Variants in KCNMA1 observed in about 807,000 individuals in gnomAD.
The protein encoded by KCNMA1 is potassium calcium-activated channel subfamily M alpha 1, also known as Calcium-activated potassium channel subunit alpha-1.
In KCNMA1, 29 loss-of-function variants were observed where a neutral mutation model predicts 140.0. The observed-to-expected ratio is 0.21, with a 90% CI of 0.15 to 0.28. The LOEUF is 0.28. Ranked by LOEUF, KCNMA1 falls within the 10% of genes least tolerant of loss-of-function variation. KCNMA1 has a pLI of 1.00. For missense variants in KCNMA1, 880 were observed against 1,602.2 expected, an observed-to-expected ratio of 0.55 and a Z score of 7.70; for synonymous variants, 612 against 611.9, an observed-to-expected ratio of 1.00 and a Z score of 0.00.
intron 29 of KCNMA1, chr10:76,877,952 G>C (rs2032752797): frequency 3.3e-6 from 5 of 1,519,512 alleles, no homozygotes; most frequent in Non-Finnish European, 4.5e-6. Flanking sequence ...ATTAGTCCTA[G>C]GGTAAAGCCT....
chr10:76,960,656 A>AGGTTTATTT (rs1408505459), intron 20 of KCNMA1, among the ~76,000 whole-genome samples: 5 of 95,084 alleles, frequency 5.3e-5, no homozygotes, highest in African/African-American at 1.6e-4. Context: ...TACAAATTGA[A>AGGTTTATTT]GGTTTATTTT....
intron 6 of KCNMA1, among the ~76,000 whole-genome samples, chr10:77,118,678 CCTT>C (rs773013007): frequency 5.9e-5 from 9 of 152,130 alleles, no homozygotes; most frequent in Non-Finnish European, 1.2e-4. Context: ...CTAAAAGTAA[CCTT>C]CTCCTCGAAA....
In KCNMA1 at chr10:77,368,384, G is replaced by A. The variant is rs1201678203; in HGVS notation, c.540+35478C>T. ...AAGTCTTTTGCCCATTTTCCAGTTG[G>A]GTAGCTTGTTCTCTTCCTGTTGAAT... On this transcript the variant is annotated intron_variant, in intron 2 of 27. Transcript: ENST00000286628. Among the ~76,000 whole-genome samples the A allele has an allele frequency of 5.3e-5, 8 of 151,980 alleles. No individual in the cohort carries two copies. The South Asian group carries it at 1.0e-3, about 20-fold the overall frequency.
rs757053731 is a variant in KCNMA1, at chr10:76,887,484, C to G, written c.3493G>C (p.Glu1165Gln). The G allele has an allele frequency of 1.9e-6, 3 of 1,614,108 alleles. No homozygotes were observed. The Admixed American group carries it at 5.0e-5, about 27-fold the overall frequency. ...AAGATCAGGTCCGTCGGCACGAGCT[C>G]AAACTCATAGGGCGGGTTGGTGATG... Reference protein sequence around the residue: ...YVITNPPYEFELVPTDLIFCL... With the variant: ...YVITNPPYEFQLVPTDLIFCL... The change falls in exon 28 of 28, where the codon GAG becomes CAG. Residue 1165 changes from glutamate (E) to glutamine (Q), a missense_variant. By Grantham distance (29) the Glu-to-Gln change is conservative. Coordinates refer to ENST00000286628, the MANE Select transcript of KCNMA1 (RefSeq NM_001161352.2).
intron 2 of KCNMA1, among the ~76,000 whole-genome samples, chr10:77,365,081 G>A (rs1287936305): frequency 2.0e-5 from 3 of 152,124 alleles, no homozygotes; most frequent in Non-Finnish European, 1.5e-5. Flanking sequence ...CAGCAAGAAG[G>A]GCACAGCTGG....
In KCNMA1 at chr10:77,425,311, C is replaced by T. The variant is rs535147433; in HGVS notation, c.379-21288G>A. Reference sequence around the variant, plus strand: ...TTGGGGGAAGTTTTACACAACCACCCCAGTTTCCCTAAATGCCCCCTCCCT... The same window carrying T: ...TTGGGGGAAGTTTTACACAACCACCTCAGTTTCCCTAAATGCCCCCTCCCT... On this transcript the variant is annotated intron_variant, in intron 1 of 27. Coordinates refer to ENST00000286628, the MANE Select transcript of KCNMA1 (RefSeq NM_001161352.2). Among the ~76,000 whole-genome samples, 456 of 152,310 alleles carry T rather than the reference C, an allele frequency of 3.0e-3. 1 individual carries two copies. Among genetic ancestry groups the T allele is most frequent in the Admixed American group, 7.4e-3 (113 of 15,308 alleles).
At chr10:77,260,942 C>A (rs1490832740) in intron 2 of KCNMA1, among the ~76,000 whole-genome samples, 1 of 152,122 alleles carries the variant, frequency 6.6e-6, no homozygotes, top group East Asian at 1.9e-4. Context: ...GAAATGCCAA[C>A]GTTCCAATAA....
intron 1 of KCNMA1, among the ~76,000 whole-genome samples, chr10:77,450,291 G>T (rs1417405616): frequency 2.7e-5 from 4 of 148,624 alleles, no homozygotes; most frequent in Non-Finnish European, 6.0e-5. Context: ...CCTGCCCTGA[G>T]GTGATCCACC....
Position 77,073,600 on chromosome 10 carries a change from A to G in KCNMA1, c.1594-348T>C, listed in dbSNP as rs151168833. ...GTTGAGTCCTCTAATAGACCGTAGGAGTGCCAAATGCCTGTATATTTTCAG... is the reference window on the plus strand; with the variant it reads ...GTTGAGTCCTCTAATAGACCGTAGGGGTGCCAAATGCCTGTATATTTTCAG... On this transcript the variant is annotated intron_variant, in intron 13 of 27. Coordinates refer to ENST00000286628, the MANE Select transcript of KCNMA1 (RefSeq NM_001161352.2). 2.9e-4 allele frequency among the ~76,000 whole-genome samples: 44 copies of G among 152,276 alleles called. No individual in the cohort carries two copies. In the East Asian group the frequency reaches 5.0e-3, roughly 17 times the overall value.
intron 6 of KCNMA1, among the ~76,000 whole-genome samples, chr10:77,115,501 T>C (rs2097436483): frequency 6.6e-6 from 1 of 152,168 alleles, no homozygotes; most frequent in Admixed American, 6.5e-5. Flanking sequence ...TGTGTGTTGT[T>C]CATTTTCTCA....
intron 24 of KCNMA1, 69 bp downstream of exon 24, chr10:76,914,867 C>A (rs2052085005): frequency 2.6e-6 from 3 of 1,160,036 alleles, no homozygotes; most frequent in East Asian, 2.4e-5. Flanking sequence ...AATAAACCAA[C>A]CTCCTCATAT....
At chr10:76,913,987 G>T (rs2051538081) in intron 24 of KCNMA1, 1 of 1,172,564 alleles carries the variant, frequency 8.5e-7, no homozygotes, top group Non-Finnish European at 1.2e-6. Context: ...AAAACAAGCT[G>T]ATGATAGTTG....
intron 1 of KCNMA1, among the ~76,000 whole-genome samples, chr10:77,445,331 TTCTCTC>T (rs140684615): frequency 6.7e-6 from 1 of 148,256 alleles, no homozygotes; most frequent in Non-Finnish European, 1.5e-5. Context: ...ATCGTCCATA[TTCTCTC>T]TCTCTCTCTC....
intron 1 of KCNMA1, among the ~76,000 whole-genome samples, chr10:77,499,610 T>C (rs888169177): frequency 1.3e-5 from 2 of 151,972 alleles, no homozygotes; most frequent in African/African-American, 4.8e-5. Context: ...CAGGGCCAAG[T>C]TGTCATTCAT....
intron 15 of KCNMA1, among the ~76,000 whole-genome samples, chr10:77,032,488 T>C (rs945711926): frequency 5.3e-5 from 8 of 152,314 alleles, no homozygotes; most frequent in Middle Eastern, 3.4e-3. Context: ...AATTTAATTA[T>C]TGGTTTCTAA....
chr10:77,307,276 A>G (rs2078018150), intron 2 of KCNMA1, among the ~76,000 whole-genome samples: 2 of 152,128 alleles, frequency 1.3e-5, no homozygotes, highest in Admixed American at 6.5e-5. Context: ...GGGCATTTAT[A>G]TCATCCCTGT....
intron 1 of KCNMA1, among the ~76,000 whole-genome samples, chr10:77,406,307 C>T (rs772590508): frequency 3.9e-4 from 47 of 119,628 alleles, no homozygotes; most frequent in South Asian, 7.9e-4. Flanking sequence ...GCTCTGCCAC[C>T]GCTGTGGGAC....
At chr10:77,015,658 A>C (rs1011574001) in intron 17 of KCNMA1, among the ~76,000 whole-genome samples, 1 of 152,088 alleles carries the variant, frequency 6.6e-6, no homozygotes, top group Non-Finnish European at 1.5e-5. Context: ...CCCAGATAGA[A>C]TGCTTAACTT....
intron 1 of KCNMA1, among the ~76,000 whole-genome samples, chr10:77,599,914 G>A (rs529627217): frequency 6.6e-6 from 1 of 151,974 alleles, no homozygotes; most frequent in South Asian, 2.1e-4. Context: ...TAGCTCTCTG[G>A]GCCAATCTCC....
Sources: allele counts gnomAD v4.1 joint callset (sites outside exome capture counted in the v4.1 genomes callset), GRCh38; gene constraint gnomAD v4.1.1; transcripts MANE v1.5; gene names NCBI Gene and HGNC (gene_info 2026-07-23, HGNC 2026-07-21).